The following RBM19 variants were observed in gnomAD, a reference collection of about 807,000 sequenced individuals.
RBM19 encodes the protein probable RNA-binding protein 19.
In RBM19, 94 loss-of-function variants were observed where a neutral mutation model predicts 116.8. The ratio of observed to expected loss-of-function variants is 0.80; its 90% CI spans 0.68 to 0.95. RBM19 has a LOEUF of 0.95. RBM19 is among the 40% of genes least tolerant of loss of function. The pLI is 0.00. For missense variants in RBM19, 1,161 were observed against 1,220.7 expected (o/e 0.95, Z 0.73); for synonymous variants, 475 against 494.1 (o/e 0.96, Z 0.51).
At chr12:113,845,150 C>A (rs1201982841) in intron 22 of RBM19, among the ~76,000 whole-genome samples, 1 of 152,188 alleles carries the variant, frequency 6.6e-6, no homozygotes, top group Admixed American at 6.5e-5. Context: ...CTTGAGAAAG[C>A]CGAGCCCTGG....
chr12:113,934,590 G>T, intron 16 of RBM19, among the ~76,000 whole-genome samples: 1 of 152,204 alleles, frequency 6.6e-6, no homozygotes. Flanking sequence ...TGGGGTCTCG[G>T]CATGTGGAGT....
At chr12:113,896,374 C>T (rs1566002572) in intron 21 of RBM19, among the ~76,000 whole-genome samples, 2 of 152,194 alleles carry the variant, frequency 1.3e-5, no homozygotes, top group African/African-American at 2.4e-5. Context: ...TTTCTGGGCT[C>T]GGGGGCATGT....
In RBM19 at chr12:113,955,160, G is replaced by A; in HGVS notation, c.892C>T (p.Leu298=). 6.2e-7 allele frequency: 1 copy of A among 1,613,730 alleles called. No homozygotes were observed. The highest frequency in any genetic ancestry group is 8.5e-7 in the Non-Finnish European group (1 of 1,179,692). The change falls in exon 7 of 24, where the codon CTG becomes TTG. Residue 298 remains leucine, a synonymous_variant. Transcript: ENST00000261741. The part of the protein sequence containing the change: ...KEPTTCHTVK[L]RGAPFNVTEK... ...GTGACATTGAACGGGGCTCCCCGCAGCTTCACGGTGTGGCAGGTGGTGGGT... is the reference window on the plus strand; with the variant it reads ...GTGACATTGAACGGGGCTCCCCGCAACTTCACGGTGTGGCAGGTGGTGGGT...
At position 113,822,121 on chromosome 12, in the gene RBM19, G is replaced by C. The variant is rs1327007510; in HGVS notation, c.*1103C>G. 6.6e-6 allele frequency: 1 copy of C among 152,216 alleles called. No homozygotes were observed. The highest frequency in any genetic ancestry group is 1.9e-4 in the East Asian group (1 of 5,192). The allele number at this position is 152,216 out of a possible 1,614,324, so 9.4% of individuals were successfully genotyped here. A position where few individuals can be genotyped will look rare whatever the true frequency, so the allele number is the denominator to read the frequency against. ...CTTAATTCTGGCACTGTCTATCTGA[G>C]GTAGGCACAATTATCACCCCCATTT... On this transcript the variant is annotated 3_prime_UTR_variant, in exon 24 of 24. Coordinates refer to ENST00000261741, the MANE Select transcript of RBM19 (RefSeq NM_016196.4).
rs1565964526 is a variant in RBM19, at chr12:113,836,845, T to TACACACACACAC, written c.2785+7822_2785+7823insGTGTGTGTGTGT. Among the ~76,000 whole-genome samples the TACACACACACAC allele has an allele frequency of 6.2e-5, 5 of 80,806 alleles. 1 individual carries two copies. Among genetic ancestry groups the TACACACACACAC allele is most frequent in the African/African-American group, 2.5e-4 (5 of 20,076 alleles). 53.0% of individuals were successfully genotyped at this position (80,806 alleles called of 152,430 possible). A position where few individuals can be genotyped will look rare whatever the true frequency, so the allele number is the denominator to read the frequency against. ...ATACATACACACACACACACACACG[T>TACACACACACAC]GTCCCAAGCAATGCTTATGTGTCAG... On this transcript the variant is annotated intron_variant, in intron 23 of 23. Transcript: ENST00000261741.
rs1593587219 is a variant in RBM19 at position 113,920,591 on chromosome 12, G to A, written c.2385+20C>T. 1 of 1,609,322 alleles carries A rather than the reference G, an allele frequency of 6.2e-7. No individual in the cohort carries two copies. Among genetic ancestry groups the A allele is most frequent in the Non-Finnish European group, 8.5e-7 (1 of 1,175,736 alleles). ...CTGCCAAGTGCCTCCGTGGCCCTCA[G>A]CTGAGAATCTTCACTTTACCTGGAG... On this transcript the variant is annotated intron_variant, in intron 19 of 23. Transcript: ENST00000261741.
chr12:113,955,766 G>A (rs1014548640), intron 6 of RBM19, among the ~76,000 whole-genome samples: 8 of 152,198 alleles, frequency 5.3e-5, no homozygotes, highest in African/African-American at 1.7e-4. Flanking sequence ...GTGGATGTGA[G>A]CCCATATATA....
At chr12:113,946,499 A>G in intron 11 of RBM19, 24 bp from the exon 12 acceptor site, 1 of 1,614,010 alleles carries the variant, frequency 6.2e-7, no homozygotes, top group Non-Finnish European at 8.5e-7. Flanking sequence ...ACGGGAAGGG[A>G]GTAAACAGAA....
chr12:113,888,640 A>G (rs1478778269), intron 21 of RBM19, among the ~76,000 whole-genome samples: 1 of 152,146 alleles, frequency 6.6e-6, no homozygotes, highest in Admixed American at 6.5e-5. Flanking sequence ...TGAGGTTCCC[A>G]GAAGAGCAGT....
chr12:113,845,998 G>A (rs529244948), intron 22 of RBM19, among the ~76,000 whole-genome samples: 10 of 152,324 alleles, frequency 6.6e-5, no homozygotes, highest in Non-Finnish European at 7.3e-5. Flanking sequence ...AGTTAACAGC[G>A]TCTAGAACAG....
intron 21 of RBM19, among the ~76,000 whole-genome samples, chr12:113,864,300 T>A (rs771517295): frequency 2.0e-4 from 31 of 152,152 alleles, no homozygotes; most frequent in African/African-American, 4.8e-4. Context: ...TCACCTTGAT[T>A]GGGGGCAGCT....
chr12:113,889,020 G>T (rs1288631084), intron 21 of RBM19, among the ~76,000 whole-genome samples: 2 of 152,208 alleles, frequency 1.3e-5, no homozygotes, highest in Non-Finnish European at 2.9e-5. Context: ...CATGTGAAAT[G>T]CCCACAGGCA....
chr12:113,845,205 G>C (rs113738120), intron 22 of RBM19, among the ~76,000 whole-genome samples: 212 of 152,268 alleles, frequency 1.4e-3, no homozygotes, highest in Non-Finnish European at 2.7e-3. Context: ...GTGTCACTGG[G>C]TGTCGCTCTC....
At position 113,898,324 on chromosome 12, in the gene RBM19, G is replaced by T. The variant is rs1263943569; in HGVS notation, c.2558+16645C>A. On this transcript the variant is annotated intron_variant, in intron 21 of 23. Coordinates refer to ENST00000261741, the MANE Select transcript of RBM19 (RefSeq NM_016196.4). The surrounding 1 kb of genome is among the most constrained non-coding windows in gnomAD (Gnocchi z 4.3). Reference sequence around the variant, plus strand: ...GTGTATCATGATAGAACCGTGAAGAGATTTCAGTGCCTGTACTGGACTTCA... The same window carrying T: ...GTGTATCATGATAGAACCGTGAAGATATTTCAGTGCCTGTACTGGACTTCA... Among the ~76,000 whole-genome samples, 2 of 152,142 alleles carry T rather than the reference G, an allele frequency of 1.3e-5. No individual in the cohort carries two copies. The highest frequency in any genetic ancestry group is 2.9e-5 in the Non-Finnish European group (2 of 68,026).
intron 11 of RBM19, 21 bp downstream of exon 11, chr12:113,947,313 C>A: frequency 6.4e-7 from 1 of 1,570,200 alleles, no homozygotes. Context: ...GCCTCCTGGC[C>A]AGCCCAGGAC....
chr12:113,828,500 G>A (rs1875076940), intron 23 of RBM19, among the ~76,000 whole-genome samples: 1 of 152,136 alleles, frequency 6.6e-6, no homozygotes, highest in South Asian at 2.1e-4. Flanking sequence ...CAAGAGGCCG[G>A]GGTGAAGGGC....
At chr12:113,859,601 C>T (rs754905063) in intron 21 of RBM19, among the ~76,000 whole-genome samples, 1 of 152,046 alleles carries the variant, frequency 6.6e-6, no homozygotes, top group Non-Finnish European at 1.5e-5. Context: ...TTGGACCATC[C>T]CCCCCGGTTC....
At chr12:113,891,257 C>T (rs1880944822) in intron 21 of RBM19, among the ~76,000 whole-genome samples, 2 of 152,212 alleles carry the variant, frequency 1.3e-5, no homozygotes, top group African/African-American at 2.4e-5. Context: ...ACAGGTGGGA[C>T]GCTGGTTGCT....
At chr12:113,946,317 G>A in intron 12 of RBM19, 37 bp downstream of exon 12, 1 of 1,613,796 alleles carries the variant, frequency 6.2e-7, no homozygotes, top group Non-Finnish European at 8.5e-7. Flanking sequence ...GCAGAGGGTT[G>A]GGGTTGGAGC....
Sources: gnomAD v4.1 joint callset for allele counts (sites outside exome capture counted in the v4.1 genomes callset) on GRCh38, gnomAD v4.1.1 for gene constraint, Gnocchi (gnomAD v3.1) non-coding constraint, MANE v1.5 for transcripts, NCBI Gene and HGNC (gene_info 2026-07-23, HGNC 2026-07-21) for gene names.